The following NSUN6 variants were observed in gnomAD, a reference collection of about 807,000 sequenced individuals.
NSUN6 encodes the protein tRNA (cytosine(72)-C(5))-methyltransferase NSUN6.
In NSUN6, 64 loss-of-function variants were observed where a neutral mutation model predicts 58.0. That is an observed-to-expected ratio of 1.10 (90% CI 0.90 to 1.36). The LOEUF (loss-of-function observed/expected upper bound fraction) is 1.36. Among genes scored for constraint, NSUN6 ranks in the 40% most tolerant of loss-of-function variants. The probability of loss-of-function intolerance (pLI) is 0.00; values close to 1 mark genes in which losing one functional copy is unlikely to be tolerated. For missense variants in NSUN6, 701 were observed against 550.1 expected (o/e 1.27, Z -2.74); for synonymous variants, 231 against 193.9 (o/e 1.19, Z -1.59).
Position 18,609,862 on chromosome 10 carries a change from G to A in NSUN6, c.640C>T (p.Arg214Cys), listed in dbSNP as rs191598930. 51 of 1,580,240 alleles carry A rather than the reference G, an allele frequency of 3.2e-5. No homozygotes were observed. The highest frequency in any genetic ancestry group is 1.7e-4 in the Middle Eastern group (1 of 5,940). ...ATACTTACTTGTAAAAATAAGTAAC[G>A]GGGCAGTACACTGTCAAATGAAGGG... Reference protein sequence around the residue: ...LSPSFDSVLPRYLFLQNLPSA... With the variant: ...LSPSFDSVLPCYLFLQNLPSA... Residue 214 changes from arginine (R) to cysteine (C), a missense_variant, in exon 6 of 11, where the codon CGT becomes TGT. By Grantham distance (180) the Arg-to-Cys change is radical. Transcript: ENST00000377304.
intron 6 of NSUN6, among the ~76,000 whole-genome samples, chr10:18,598,144 C>T (rs2057667617): frequency 6.6e-6 from 1 of 152,208 alleles, no homozygotes; most frequent in African/African-American, 2.4e-5. Context: ...TAATCTCCCC[C>T]ACCCTTAAGA....
intron 2 of NSUN6, among the ~76,000 whole-genome samples, chr10:18,646,719 T>A (rs1196147014): frequency 6.6e-6 from 1 of 152,124 alleles, no homozygotes; most frequent in African/African-American, 2.4e-5. Context: ...TAGTCCCAGC[T>A]ACTTGGGAGG....
chr10:18,633,955 GAGA>G (rs979038689), intron 3 of NSUN6, among the ~76,000 whole-genome samples: 1 of 152,218 alleles, frequency 6.6e-6, no homozygotes, highest in Non-Finnish European at 1.5e-5. Flanking sequence ...TGAGCCAGCA[GAGA>G]AGATTTGCAG....
chr10:18,582,056 C>T (rs961918140), intron 8 of NSUN6, among the ~76,000 whole-genome samples: 2 of 152,102 alleles, frequency 1.3e-5, no homozygotes, highest in South Asian at 4.2e-4. Flanking sequence ...TCTTCCCTTA[C>T]CAGCCGAAAG....
chr10:18,574,554 G>A (rs1274608762), intron 8 of NSUN6, among the ~76,000 whole-genome samples: 1 of 152,068 alleles, frequency 6.6e-6, no homozygotes, highest in Non-Finnish European at 1.5e-5. Context: ...GTGACTGAGG[G>A]AAAAAGACAC....
At chr10:18,624,938 G>C (rs2058739646) in intron 3 of NSUN6, among the ~76,000 whole-genome samples, 1 of 152,172 alleles carries the variant, frequency 6.6e-6, no homozygotes, top group African/African-American at 2.4e-5. Context: ...TTCCTTTCGG[G>C]AGTCTGGGAA....
upstream of NSUN6, chr10:18,651,598 C>T (rs2059708375): frequency 1.0e-5 from 10 of 988,302 alleles, no homozygotes; most frequent in Non-Finnish European, 1.1e-5. Flanking sequence ...AATTTCCAAA[C>T]ACGCGCCCCC....
chr10:18,545,888 A>G lies in NSUN6; in HGVS notation c.*45T>C, dbSNP rs1589797081. On this transcript the variant is annotated 3_prime_UTR_variant, in exon 11 of 11. Transcript: ENST00000377304. ...TTGGTTAAAAAAAAAAAAACCACAG[A>G]CAGCAAATGTTTGGAATTTTCATTT... 2.8e-6 allele frequency: 3 copies of G among 1,074,782 alleles called. No individual in the cohort carries two copies. The East Asian group carries it at 7.2e-5, about 26-fold the overall frequency. 66.6% of individuals were successfully genotyped at this position (1,074,782 alleles called of 1,614,324 possible). A position where few individuals can be genotyped will look rare whatever the true frequency, so the allele number is the denominator to read the frequency against.
At chr10:18,614,654 T>C (rs2131348190) in intron 4 of NSUN6, 41 bp from the exon 5 acceptor site, 1 of 1,092,646 alleles carries the variant, frequency 9.2e-7, no homozygotes, top group Non-Finnish European at 1.2e-6. Context: ...ATTTATACTT[T>C]GGCAGAAGAA....
At chr10:18,656,176 T>C (rs1166367923), upstream of NSUN6, among the ~76,000 whole-genome samples, 1 of 152,184 alleles carries the variant, frequency 6.6e-6, no homozygotes, top group East Asian at 1.9e-4. Context: ...GCAGGTAGAA[T>C]TTTCTGACGG....
At chr10:18,618,518 A>G (rs1214055298) in intron 3 of NSUN6, among the ~76,000 whole-genome samples, 3 of 152,020 alleles carry the variant, frequency 2.0e-5, no homozygotes, top group Non-Finnish European at 4.4e-5. Context: ...CCCCGTCTCT[A>G]CTAAAAATAC....
chr10:18,626,951 A>G (rs546874003), intron 3 of NSUN6, among the ~76,000 whole-genome samples: 1 of 152,332 alleles, frequency 6.6e-6, no homozygotes, highest in South Asian at 2.1e-4. Context: ...GAGGAGCACG[A>G]ATTGAGAGAA....
chr10:18,620,424 A>C (rs953887146), intron 3 of NSUN6, among the ~76,000 whole-genome samples: 2 of 152,134 alleles, frequency 1.3e-5, no homozygotes, highest in Non-Finnish European at 2.9e-5. Flanking sequence ...ATGAAAAAAA[A>C]ATTCCTTGGT....
Position 18,648,504 on chromosome 10 carries a change from C to G in NSUN6, c.217G>C (p.Asp73His). The G allele has an allele frequency of 1.3e-6, 2 of 1,598,576 alleles. No individual in the cohort carries two copies. The highest frequency in any genetic ancestry group is 1.7e-6 in the Non-Finnish European group (2 of 1,169,878). The stretch of plus-strand genomic sequence containing the variant: ...TTTCCACAAACCTTCTGAAGTTCAT[C>G]AAGTAACAGATTTTTCACATGTTGT... ...SVQHVKNLLLDELQKQFNGLS... is the reference protein window; with the variant it reads ...SVQHVKNLLLHELQKQFNGLS... The change falls in exon 2 of 11, where the codon GAT becomes CAT. Residue 73 changes from aspartate to histidine, a missense_variant. Coordinates refer to ENST00000377304, the MANE Select transcript of NSUN6 (RefSeq NM_182543.5).
chr10:18,590,109 C>A (rs986713763), intron 7 of NSUN6, among the ~76,000 whole-genome samples: 1 of 152,032 alleles, frequency 6.6e-6, no homozygotes, highest in African/African-American at 2.4e-5. Context: ...GGTTGCAATC[C>A]TAGTCTCTGA....
intron 7 of NSUN6, among the ~76,000 whole-genome samples, chr10:18,588,694 G>A (rs2057265595): frequency 6.6e-6 from 1 of 152,122 alleles, no homozygotes; most frequent in Non-Finnish European, 1.5e-5. Context: ...AGGCCTGTTA[G>A]AAGAAAAACT....
chr10:18,657,535 ACT>A (rs1276293176), upstream of NSUN6, among the ~76,000 whole-genome samples: 1 of 152,196 alleles, frequency 6.6e-6, no homozygotes, highest in Admixed American at 6.5e-5. Context: ...ATTCAAACTT[ACT>A]GTCTCTAAAA....
At chr10:18,558,797 G>A (rs1226548535) in intron 8 of NSUN6, among the ~76,000 whole-genome samples, 1 of 148,914 alleles carries the variant, frequency 6.7e-6, no homozygotes, top group African/African-American at 2.4e-5. Flanking sequence ...GAATGGAATG[G>A]ACAATGGAAT....
intron 3 of NSUN6, among the ~76,000 whole-genome samples, chr10:18,628,172 C>A (rs1212406224): frequency 6.6e-6 from 1 of 152,142 alleles, no homozygotes; most frequent in African/African-American, 2.4e-5. Flanking sequence ...TCAGGTACTC[C>A]AACAGACCTG....
Sources: gnomAD v4.1 joint callset for allele counts (sites outside exome capture counted in the v4.1 genomes callset) on GRCh38, gnomAD v4.1.1 for gene constraint, MANE v1.5 for transcripts, NCBI Gene and HGNC (gene_info 2026-07-23, HGNC 2026-07-21) for gene names.